Variants in ZNF608 observed in about 807,000 individuals in gnomAD.
ZNF608 encodes zinc finger protein 608.
Under a neutral mutation model 109.0 loss-of-function variants are expected in ZNF608, and 12 were observed. That is an observed-to-expected ratio of 0.11 (90% CI 0.07 to 0.18). ZNF608 has a LOEUF of 0.18. Among genes scored for constraint, ZNF608 ranks in the 10% least tolerant of loss-of-function variants. The pLI, the probability that ZNF608 is intolerant of heterozygous loss-of-function variation, is 1.00. For synonymous variants in ZNF608, 732 were observed against 717.4 expected, an observed-to-expected ratio of 1.02 and a Z score of -0.33; for missense variants, 1,707 against 1,879.3, an observed-to-expected ratio of 0.91 and a Z score of 1.70.
chr5:124,659,183 A>T (rs1487158394), intron 3 of ZNF608, among the ~76,000 whole-genome samples: 1 of 151,678 alleles, frequency 6.6e-6, no homozygotes, highest in African/African-American at 2.4e-5. Context: ...AACAACTCAG[A>T]TACCCAAGCT....
intron 2 of ZNF608, chr5:124,734,534 A>G (rs1749056970): frequency 6.6e-6 from 1 of 152,196 alleles, no homozygotes; most frequent in African/African-American, 2.4e-5. Context: ...GACTGGGAAG[A>G]CCAAAGTCAC....
rs757734787 is a variant in ZNF608, at chr5:124,639,124, G to T, written c.4532+9C>A. On this transcript the variant is annotated intron_variant, in intron 9 of 9. Coordinates refer to ENST00000513986, the MANE Select transcript of ZNF608 (RefSeq NM_020747.3). ...TCTACAACTAATTAAAAATGTAGAG[G>T]ATATTTACCTTCTTTGTCCAGGAAA... 46 of 1,612,830 alleles carry T rather than the reference G, an allele frequency of 2.9e-5. No homozygotes were observed. Among genetic ancestry groups the T allele is most frequent in the Non-Finnish European group, 3.7e-5 (44 of 1,179,022 alleles).
chr5:124,681,913 G>A (rs966984573), intron 3 of ZNF608, among the ~76,000 whole-genome samples: 4 of 152,152 alleles, frequency 2.6e-5, no homozygotes, highest in Admixed American at 2.6e-4. Flanking sequence ...TCAAAGCAAA[G>A]GAGCATAATC....
chr5:124,712,195 C>CCA (rs1753521078), intron 2 of ZNF608, among the ~76,000 whole-genome samples: 1 of 151,928 alleles, frequency 6.6e-6, no homozygotes, highest in Non-Finnish European at 1.5e-5. Flanking sequence ...GACCTGGCAC[C>CCA]CGTGGTGGGG....
intron 2 of ZNF608, among the ~76,000 whole-genome samples, chr5:124,712,422 G>A (rs533447866): frequency 1.3e-5 from 2 of 152,286 alleles, no homozygotes; most frequent in South Asian, 4.1e-4. Context: ...AGAAAGTAAT[G>A]AAGCCAGTGG....
Position 124,693,344 on chromosome 5 carries a change from A to G in ZNF608, c.1162+7670T>C, listed in dbSNP as rs376406415. 3.3e-5 allele frequency among the ~76,000 whole-genome samples: 5 copies of G among 152,350 alleles called. No individual in the cohort carries two copies. In the East Asian group the frequency reaches 5.8e-4, roughly 18 times the overall value. On this transcript the variant is annotated intron_variant, in intron 3 of 9. Coordinates refer to ENST00000513986, the MANE Select transcript of ZNF608 (RefSeq NM_020747.3). ...TTAAGACACTCAAGATTTTCTTACT[A>G]ATTCCTTCTTTACAGGAAGAAGATT...
At chr5:124,697,903 A>T (rs1359939465) in intron 3 of ZNF608, among the ~76,000 whole-genome samples, 1 of 152,202 alleles carries the variant, frequency 6.6e-6, no homozygotes, top group Non-Finnish European at 1.5e-5. Flanking sequence ...CACATATATG[A>T]CCTTCACAGA....
At chr5:124,721,966 A>AAAAAAAAAAAAAAAAAAAAAAAAAAAC (rs1753935297) in intron 2 of ZNF608, among the ~76,000 whole-genome samples, 1 of 146,890 alleles carries the variant, frequency 6.8e-6, no homozygotes, top group Non-Finnish European at 1.5e-5. Context: ...AAAAAAAAAA[A>AAAAAAAAAAAAAAAAAAAAAAAAAAAC]AAAAAAGAAC....
intron 2 of ZNF608, among the ~76,000 whole-genome samples, chr5:124,703,500 T>A (rs1045824894): frequency 6.6e-6 from 1 of 152,142 alleles, no homozygotes. Context: ...GTGTAGTGGC[T>A]CACACTTGTA....
At chr5:124,747,777 C>T (rs1182994783), upstream of ZNF608, among the ~76,000 whole-genome samples, 1 of 152,144 alleles carries the variant, frequency 6.6e-6, no homozygotes, top group Non-Finnish European at 1.5e-5. Flanking sequence ...ACTTTATAAA[C>T]CTTTCCTCAA....
At chr5:124,685,618 G>GAAAA (rs763936854) in intron 3 of ZNF608, among the ~76,000 whole-genome samples, 1 of 136,116 alleles carries the variant, frequency 7.3e-6, no homozygotes, top group Non-Finnish European at 1.6e-5. Context: ...AAATCTAGAG[G>GAAAA]AAAAAAAAAA....
chr5:124,718,296 G>A (rs970617003), intron 2 of ZNF608, among the ~76,000 whole-genome samples: 2 of 152,114 alleles, frequency 1.3e-5, no homozygotes, highest in African/African-American at 4.8e-5. Flanking sequence ...TTTCACATGC[G>A]TTAAAAAGTC....
chr5:124,681,318 G>A (rs111332978), intron 3 of ZNF608, among the ~76,000 whole-genome samples: 10 of 152,166 alleles, frequency 6.6e-5, no homozygotes, highest in African/African-American at 2.2e-4. Context: ...TTAGCTGGGC[G>A]TGATGGTGGG....
In ZNF608 at chr5:124,744,044, AGAG is replaced by A; in HGVS notation, c.906+37_906+39del. ...CCCACACACCCACACAAATGCACAC[AGAG>A]GAGAGTAGGACATCTAGGAAGGCGA... On this transcript the variant is annotated intron_variant, in intron 2 of 9. Coordinates refer to ENST00000513986, the MANE Select transcript of ZNF608 (RefSeq NM_020747.3). This position sits in a 1 kb window ranked among gnomAD's most constrained non-coding sequence, Gnocchi z 4.5. The A allele has an allele frequency of 1.9e-6, 3 of 1,542,638 alleles. No homozygotes were observed. Among genetic ancestry groups the A allele is most frequent in the Admixed American group, 3.9e-5 (2 of 51,038 alleles).
At chr5:124,642,900 T>C (rs1750313489) in intron 7 of ZNF608, among the ~76,000 whole-genome samples, 1 of 152,012 alleles carries the variant, frequency 6.6e-6, no homozygotes, top group Admixed American at 6.5e-5. Context: ...TTTCACCATA[T>C]TGGCCAGGCT....
In ZNF608 at chr5:124,744,283, T is replaced by C. The variant is rs1749546597; in HGVS notation, c.707A>G (p.Tyr236Cys). Residue 236 changes from tyrosine (Y) to cysteine (C), a missense_variant, in exon 2 of 10, where the codon TAT becomes TGT. Tyr to Cys is a radical substitution (Grantham distance 194). This residue lies in a region of ZNF608 where 407 missense variants were observed against 398.7 expected (regional missense o/e 1.02). Coordinates refer to ENST00000513986, the MANE Select transcript of ZNF608 (RefSeq NM_020747.3). This position sits in a 1 kb window ranked among gnomAD's most constrained non-coding sequence, Gnocchi z 4.5. ...GSQAPSGGHL[Y>C]GFGAKSNGGG... is the part of the protein sequence containing the mutation. ...TCCATTGCTCTTGGCCCCAAAGCCA[T>C]AGAGGTGCCCCCCGGAAGGGGCCTG... is the stretch of plus-strand genomic sequence containing the variant. The C allele has an allele frequency of 1.1e-5, 18 of 1,613,780 alleles. No homozygotes were observed. The highest frequency in any genetic ancestry group is 4.5e-5 in the East Asian group (2 of 44,882).
At position 124,744,438 on chromosome 5, in the gene ZNF608, A is replaced by G; in HGVS notation, c.552T>C (p.Cys184=). ...TSAATAGAGS[C]GKSKEEKPGK... is the part of the protein sequence containing the mutation. ...CTGGCTTCTCCTCTTTGCTTTTCCC[A>G]CAGGAGCCTGCCCCCGCGGTGGCGG... Residue 184 remains cysteine, a synonymous_variant, in exon 2 of 10, where the codon TGT becomes TGC. Transcript: ENST00000513986. This position sits in a 1 kb window ranked among gnomAD's most constrained non-coding sequence, Gnocchi z 4.5. 6.2e-7 allele frequency: 1 copy of G among 1,613,958 alleles called. No homozygotes were observed. Among genetic ancestry groups the G allele is most frequent in the East Asian group, 2.2e-5 (1 of 44,856 alleles).
At chr5:124,641,221 A>C in intron 8 of ZNF608, 31 bp downstream of exon 8, 2 of 1,612,966 alleles carry the variant, frequency 1.2e-6, no homozygotes, top group Non-Finnish European at 1.7e-6. Flanking sequence ...AGCAGAATGG[A>C]CAAAGACACA....
At chr5:124,702,091 G>C (rs866952824) in intron 2 of ZNF608, among the ~76,000 whole-genome samples, 1 of 152,188 alleles carries the variant, frequency 6.6e-6, no homozygotes, top group South Asian at 2.1e-4. Context: ...ATCCCCAGGA[G>C]AGCAGCAAAA....
Sources: gnomAD v4.1 joint callset for allele counts (sites outside exome capture counted in the v4.1 genomes callset) on GRCh38, gnomAD v4.1.1 for gene constraint, gnomAD v4.1.1 regional missense constraint, Gnocchi (gnomAD v3.1) non-coding constraint, MANE v1.5 for transcripts, NCBI Gene and HGNC (gene_info 2026-07-23, HGNC 2026-07-21) for gene names.